Variants in DAPK2 observed in about 807,000 individuals in gnomAD.
DAPK2 encodes death associated protein kinase 2.
DAPK2 carries 35 observed loss-of-function variants against 44.1 expected under a neutral mutation model. The observed-to-expected ratio is 0.79, with a 90% confidence interval of 0.61 to 1.05. The LOEUF is 1.05. Ranked by LOEUF, DAPK2 falls within the 50% of genes least tolerant of loss-of-function variation. DAPK2 has a pLI of 0.00. For missense variants in DAPK2, 453 were observed against 483.2 expected (o/e 0.94, Z 0.59); for synonymous variants, 174 against 182.6 (o/e 0.95, Z 0.38).
At chr15:64,029,350 T>C (rs1178350799) in intron 1 of DAPK2, among the ~76,000 whole-genome samples, 1 of 152,132 alleles carries the variant, frequency 6.6e-6, no homozygotes, top group Non-Finnish European at 1.5e-5. Context: ...CCAGGGCCCC[T>C]TGTAGTCATC....
chr15:64,000,823 G>C (rs900249794), intron 1 of DAPK2, among the ~76,000 whole-genome samples: 1 of 152,012 alleles, frequency 6.6e-6, no homozygotes, highest in African/African-American at 2.4e-5. Context: ...TGAAGGTGGT[G>C]GGGGCACCCT....
chr15:64,002,424 A>G (rs1193117172), intron 1 of DAPK2, among the ~76,000 whole-genome samples: 6 of 152,224 alleles, frequency 3.9e-5, no homozygotes, highest in Non-Finnish European at 5.9e-5. Context: ...AGGTTTTAAC[A>G]GTTTCTCCTA....
At chr15:64,005,580 C>T (rs192211374) in intron 1 of DAPK2, among the ~76,000 whole-genome samples, 37 of 152,112 alleles carry the variant, frequency 2.4e-4, no homozygotes, top group Middle Eastern at 3.4e-3. Flanking sequence ...TGCCCAGAGT[C>T]CCTCATGCCT....
chr15:63,944,926 C>T (rs17198142), intron 3 of DAPK2, among the ~76,000 whole-genome samples: 3,766 of 152,288 alleles, frequency 0.025, 76 homozygotes, highest in Non-Finnish European at 0.035. Context: ...CACTCCACAA[C>T]GACATCTCAA....
rs556227173 is a variant in DAPK2 at position 63,982,340 on chromosome 15, G to C, written c.314+1193C>G. Among the ~76,000 whole-genome samples the C allele has an allele frequency of 2.0e-5, 3 of 152,008 alleles. No individual in the cohort carries two copies. The East Asian group carries it at 5.8e-4, about 29-fold the overall frequency. ...CGAGTAGCTGGGATTACAGACACCT[G>C]CCACCACACCCGGCTAATTTTTGTA... On this transcript the variant is annotated intron_variant, in intron 2 of 10. Transcript: ENST00000261891.
intron 2 of DAPK2, among the ~76,000 whole-genome samples, chr15:63,976,997 A>C (rs2078368845): frequency 6.6e-6 from 1 of 152,194 alleles, no homozygotes; most frequent in African/African-American, 2.4e-5. Flanking sequence ...CAGAGGAATG[A>C]GTTAAAGAAC....
chr15:64,011,820 C>G (rs1015196080), intron 1 of DAPK2, among the ~76,000 whole-genome samples: 1 of 152,186 alleles, frequency 6.6e-6, no homozygotes, highest in African/African-American at 2.4e-5. Flanking sequence ...AACTCTGTCT[C>G]CATATAGTAA....
rs59889947 is a variant in DAPK2 at position 63,981,964 on chromosome 15, T to C, written c.314+1569A>G. Among the ~76,000 whole-genome samples, 1,479 of 152,294 alleles carry C rather than the reference T, an allele frequency of 9.7e-3. 26 individuals carry two copies. The highest frequency in any genetic ancestry group is 0.034 in the African/African-American group (1,424 of 41,556). ...CCATCTGCTACTTAAATCTATATCC[T>C]GCCAATACCAGAGCATAGTTCTCAA... On this transcript the variant is annotated intron_variant, in intron 2 of 10. Transcript: ENST00000261891.
chr15:63,917,382 AAAG>A lies in DAPK2; in HGVS notation c.859-5188_859-5186del, dbSNP rs2078955280. ...CTGTCTCAAAAAAAAAAAAAGAAAA[AAAG>A]AAGAAGAAAATCCTTAGCAGAGATT... On this transcript the variant is annotated intron_variant, in intron 8 of 10. Transcript: ENST00000261891. The surrounding 1 kb of genome is among the most constrained non-coding windows in gnomAD (Gnocchi z 4.4). The A allele has an allele frequency of 1.3e-5, 2 of 152,098 alleles. No homozygotes were observed. The highest frequency in any genetic ancestry group is 1.5e-5 in the Non-Finnish European group (1 of 68,016). The allele number at this position is 152,098 out of a possible 1,614,324, so 9.4% of individuals were successfully genotyped here.
rs543268463 is a variant in DAPK2 at position 64,038,471 on chromosome 15, C to T, written c.92+1699G>A. Among the ~76,000 whole-genome samples the T allele has an allele frequency of 2.0e-5, 3 of 152,286 alleles. No homozygotes were observed. The South Asian group carries it at 6.2e-4, about 32-fold the overall frequency. ...TCAGAGGCAGGCTCCAGCTGACCAA[C>T]CCCAGCCTCTGGTCCTATGTCCTCT... On this transcript the variant is annotated intron_variant, in intron 1 of 10. Transcript: ENST00000261891.
chr15:63,931,120 G>C (rs77694056), intron 4 of DAPK2, among the ~76,000 whole-genome samples: 3,267 of 152,200 alleles, frequency 0.021, 117 homozygotes, highest in African/African-American at 0.071. Context: ...TGCCCCTTTG[G>C]TCATTTGACA....
Position 64,046,232 on chromosome 15 carries a change from G to A in DAPK2, c.-7+66C>T. 2 of 695,312 alleles carry A rather than the reference G, an allele frequency of 2.9e-6. No individual in the cohort carries two copies. Among genetic ancestry groups the A allele is most frequent in the South Asian group, 1.3e-4 (2 of 15,618 alleles). The allele number at this position is 695,312 out of a possible 1,614,324, so 43.1% of individuals were successfully genotyped here. The stretch of plus-strand genomic sequence containing the variant: ...CTTCGCCCCGCCAGCCCCAGACCCG[G>A]GCGCTGCTGCCGTCAGGCCGCGCGC... On this transcript the variant is annotated intron_variant, in intron 1 of 11. Transcript: ENST00000457488. This position sits in a 1 kb window ranked among gnomAD's most constrained non-coding sequence, Gnocchi z 5.3.
chr15:64,016,049 G>A lies in DAPK2; in HGVS notation c.92+24121C>T, dbSNP rs568461364. On this transcript the variant is annotated intron_variant, in intron 1 of 10. Coordinates refer to ENST00000261891, the Ensembl canonical transcript of DAPK2. ...GCTTGGGTTCTTCAGGAAAGCATCC[G>A]AGAGGACAAAGCAGCCTCTGCTCTT... Among the ~76,000 whole-genome samples, 7 of 152,340 alleles carry A rather than the reference G, an allele frequency of 4.6e-5. No homozygotes were observed. In the South Asian group the frequency reaches 1.4e-3, roughly 32 times the overall value.
chr15:63,995,131 T>C (rs1307044349), intron 1 of DAPK2, among the ~76,000 whole-genome samples: 1 of 152,222 alleles, frequency 6.6e-6, no homozygotes, highest in Admixed American at 6.5e-5. Context: ...ATTATGATAC[T>C]GTTATAAATA....
chr15:63,915,040 G>C (rs2146510142), intron 8 of DAPK2, among the ~76,000 whole-genome samples: 1 of 152,262 alleles, frequency 6.6e-6, no homozygotes, highest in South Asian at 2.1e-4. Context: ...ATAAAATGGT[G>C]TGGTATTTGC....
Position 63,922,555 on chromosome 15 carries a change from G to C in DAPK2, c.858+2261C>G, listed in dbSNP as rs142250851. The C allele has an allele frequency of 3.5e-4, 488 of 1,396,074 alleles. No individual in the cohort carries two copies. The East Asian group carries it at 0.01, about 29-fold the overall frequency. 86.5% of individuals were successfully genotyped at this position (1,396,074 alleles called of 1,614,324 possible). On this transcript the variant is annotated intron_variant, in intron 8 of 10. Coordinates refer to ENST00000261891, the Ensembl canonical transcript of DAPK2. ...TCCCAGAAAACCAGATTGGTGAGGGGAGGTGCAGAATGAAGAATTAACTGG... is the reference window on the plus strand; with the variant it reads ...TCCCAGAAAACCAGATTGGTGAGGGCAGGTGCAGAATGAAGAATTAACTGG...
At position 63,912,228 on chromosome 15, in the gene DAPK2, T is replaced by C. The variant is rs2078816336; in HGVS notation, c.859-31A>G. 2 of 1,609,382 alleles carry C rather than the reference T, an allele frequency of 1.2e-6. No homozygotes were observed. Among genetic ancestry groups the C allele is most frequent in the Non-Finnish European group, 1.7e-6 (2 of 1,176,494 alleles). ...AGACAAAGCAGAGCATGGCAGCTGATGCTGGGCTTCAGACAGCAGCCACCC... is the reference window on the plus strand; with the variant it reads ...AGACAAAGCAGAGCATGGCAGCTGACGCTGGGCTTCAGACAGCAGCCACCC... On this transcript the variant is annotated intron_variant, in intron 8 of 10. Transcript: ENST00000261891. The surrounding 1 kb of genome is among the most constrained non-coding windows in gnomAD (Gnocchi z 4.4).
chr15:63,988,616 T>C (rs1329741517), intron 1 of DAPK2, among the ~76,000 whole-genome samples: 3 of 151,790 alleles, frequency 2.0e-5, no homozygotes. Context: ...GTGATTCTCC[T>C]GCCTCAGCCT....
At chr15:63,976,465 T>C (rs62021465) in intron 2 of DAPK2, among the ~76,000 whole-genome samples, 218 of 152,254 alleles carry the variant, frequency 1.4e-3, no homozygotes, top group Non-Finnish European at 2.6e-3. Context: ...ACACCTGTAA[T>C]CTCAGCACTT....
Sources: gnomAD v4.1 joint callset for allele counts (sites outside exome capture counted in the v4.1 genomes callset) on GRCh38, gnomAD v4.1.1 for gene constraint, Gnocchi (gnomAD v3.1) non-coding constraint, MANE v1.5 for transcripts, NCBI Gene and HGNC (gene_info 2026-07-23, HGNC 2026-07-21) for gene names.